The following STARD8 variants were observed in gnomAD, a reference collection of about 807,000 sequenced individuals.
The protein encoded by STARD8 is stAR-related lipid transfer protein 8.
A neutral mutation model predicts 69.4 loss-of-function variants in STARD8; 25 were observed. The ratio of observed to expected loss-of-function variants is 0.36; its 90% confidence interval spans 0.26 to 0.50. The LOEUF (loss-of-function observed/expected upper bound fraction) is 0.50, where lower values mean the gene tolerates loss of function less well. Among genes scored for constraint, STARD8 ranks in the 20% least tolerant of loss-of-function variants. The probability of loss-of-function intolerance (pLI) is 0.96; values close to 1 mark genes in which losing one functional copy is unlikely to be tolerated. For synonymous variants in STARD8, 389 were observed against 374.6 expected (o/e 1.04, Z -0.45); for missense variants, 921 against 932.5 (o/e 0.99, Z 0.16).
chrX:68,670,915 T>C (rs1303353183), intron 2 of STARD8, among the ~76,000 whole-genome samples: 2 of 111,153 alleles, frequency 1.8e-5, no homozygotes. Flanking sequence ...TTCCTAAATC[T>C]ACCGCCTTTT....
intron 2 of STARD8, among the ~76,000 whole-genome samples, chrX:68,681,879 A>T (rs1256559516): frequency 1.8e-5 from 2 of 111,440 alleles, no homozygotes; most frequent in Non-Finnish European, 3.8e-5. Flanking sequence ...AGTCATTTTT[A>T]TGCTCTTTTC....
chrX:68,651,498 C>T (rs1018873500), intron 1 of STARD8, among the ~76,000 whole-genome samples: 1 of 112,320 alleles, frequency 8.9e-6, no homozygotes, highest in African/African-American at 3.2e-5. Flanking sequence ...CCTCTCTGAG[C>T]CAGGCCCCCT....
At chrX:68,712,044 G>A (rs2080055250) in intron 2 of STARD8, among the ~76,000 whole-genome samples, 1 of 112,761 alleles carries the variant, frequency 8.9e-6, no homozygotes, top group African/African-American at 3.2e-5. Context: ...CCTCCTCTGT[G>A]GCTTTAGTCC....
chrX:68,695,089 G>T (rs1448640467), intron 2 of STARD8, among the ~76,000 whole-genome samples: 2 of 47,967 alleles, frequency 4.2e-5, no homozygotes, highest in Non-Finnish European at 8.1e-5. Context: ...CCGCCCCCCC[G>T]CCCCCCACAC....
chrX:68,689,668 G>C (rs1430635410), intron 2 of STARD8, among the ~76,000 whole-genome samples: 1 of 112,195 alleles, frequency 8.9e-6, no homozygotes, highest in Non-Finnish European at 1.9e-5. Flanking sequence ...CCTGGGCCTG[G>C]CTGGGCCTGT....
At chrX:68,654,387 G>A (rs1032486102) in intron 1 of STARD8, among the ~76,000 whole-genome samples, 13 of 111,368 alleles carry the variant, frequency 1.2e-4, no homozygotes, top group Non-Finnish European at 1.7e-4. Flanking sequence ...CAACCCTGCC[G>A]TACCTACCCA....
At chrX:68,705,132 C>T (rs942018907) in intron 2 of STARD8, among the ~76,000 whole-genome samples, 5 of 112,659 alleles carry the variant, frequency 4.4e-5, no homozygotes, top group East Asian at 2.8e-4. Context: ...GCACCTGGGA[C>T]TGGGTTGGGG....
intron 2 of STARD8, among the ~76,000 whole-genome samples, chrX:68,686,412 C>T (rs1336454225): frequency 8.9e-6 from 1 of 112,906 alleles, no homozygotes; most frequent in African/African-American, 3.2e-5. Context: ...GCTGCTTAGC[C>T]GCCTGGCACC....
Position 68,647,904 on chromosome X carries a change from T to C in STARD8, c.22T>C (p.Trp8Arg). MPLLDVF[W>R]SCFRKVKCFP... Reference sequence around the variant, plus strand: ...CACCATGCCTCTGCTGGACGTTTTCTGGTCTTGCTTCAGGAAGGTGAAGGT... The same window carrying C: ...CACCATGCCTCTGCTGGACGTTTTCCGGTCTTGCTTCAGGAAGGTGAAGGT... Residue 8 changes from tryptophan to arginine, a missense_variant, in exon 1 of 15, where the codon TGG becomes CGG. Trp to Arg is a moderately radical substitution (Grantham distance 101). Transcript: ENST00000374599. 1 of 1,201,218 alleles carries C rather than the reference T, an allele frequency of 8.3e-7. No homozygotes were observed. The highest frequency in any genetic ancestry group is 2.3e-4 in the Middle Eastern group (1 of 4,340).
chrX:68,677,890 A>T (rs1165140166), intron 2 of STARD8, among the ~76,000 whole-genome samples: 1 of 97,073 alleles, frequency 1.0e-5, no homozygotes, highest in African/African-American at 3.8e-5. Flanking sequence ...AAGTAGAAAG[A>T]TGTGGCCAAG....
intron 1 of STARD8, among the ~76,000 whole-genome samples, chrX:68,658,757 T>C: frequency 8.9e-6 from 1 of 112,460 alleles, no homozygotes; most frequent in Middle Eastern, 4.6e-3. Context: ...GGATTTGGGG[T>C]CAGAGGTTTC....
intron 1 of STARD8, 62 bp from the exon 2 acceptor site, chrX:68,665,437 C>G: frequency 8.8e-7 from 1 of 1,138,720 alleles, no homozygotes; most frequent in Non-Finnish European, 1.2e-6. Context: ...ACTTTAAGAT[C>G]GCTTTCAGTT....
chrX:68,653,103 ACACACACACACCACACAC>A (rs1569351074), intron 1 of STARD8, among the ~76,000 whole-genome samples: 1 of 3,122 alleles, frequency 3.2e-4, no homozygotes, highest in Non-Finnish European at 5.9e-4. Context: ...CACACACACC[ACACACACACACCACACAC>A]CACACACACA....
chrX:68,722,339 A>C, intron 11 of STARD8, 83 bp from the exon 12 acceptor site: 1 of 942,351 alleles, frequency 1.1e-6, no homozygotes. Flanking sequence ...GCACCTCTCC[A>C]CTGCCCTTAA....
chrX:68,719,900 T>C (rs1223403846), intron 7 of STARD8, among the ~76,000 whole-genome samples: 2 of 112,320 alleles, frequency 1.8e-5, no homozygotes, highest in Non-Finnish European at 3.8e-5. Flanking sequence ...ATTTCTCCTC[T>C]GGGACAATGC....
At chrX:68,689,353 C>A (rs2079858784) in intron 2 of STARD8, among the ~76,000 whole-genome samples, 1 of 110,553 alleles carries the variant, frequency 9.0e-6, no homozygotes, top group African/African-American at 3.3e-5. Flanking sequence ...TTGAGATGGG[C>A]CAGTAAGGTC....
intron 2 of STARD8, among the ~76,000 whole-genome samples, chrX:68,689,822 G>A (rs745787180): frequency 1.4e-4 from 15 of 110,730 alleles, no homozygotes; most frequent in African/African-American, 2.6e-4. Context: ...CCAGGATGTA[G>A]CTTTCTGTCC....
At chrX:68,672,721 C>CCCG (rs1556022545) in intron 2 of STARD8, among the ~76,000 whole-genome samples, 9 of 111,128 alleles carry the variant, frequency 8.1e-5, no homozygotes, top group African/African-American at 3.0e-4. Context: ...GCGCCCCACC[C>CCCG]CCCATGGCAG....
intron 2 of STARD8, among the ~76,000 whole-genome samples, chrX:68,668,106 T>TTTCTTTCTTTC (rs1345180955): frequency 1.0e-3 from 107 of 102,523 alleles, no homozygotes; most frequent in African/African-American, 3.8e-3. Context: ...TCTTTCTTTC[T>TTTCTTTCTTTC]TTCTTTCTGT....
Sources: allele counts gnomAD v4.1 joint callset (sites outside exome capture counted in the v4.1 genomes callset), GRCh38; gene constraint gnomAD v4.1.1; transcripts MANE v1.5; gene names NCBI Gene and HGNC (gene_info 2026-07-23, HGNC 2026-07-21).